The following CLCN4 variants were observed in gnomAD, a reference collection of about 807,000 sequenced individuals.
CLCN4 encodes the protein H(+)/Cl(-) exchange transporter 4.
CLCN4 carries 1 observed loss-of-function variant against 41.7 expected under a neutral mutation model. That is an observed-to-expected ratio of 0.02 (90% CI 0.01 to 0.11). CLCN4 has a LOEUF of 0.11. Among genes scored for constraint, CLCN4 ranks in the 10% least tolerant of loss-of-function variants. The pLI is 1.00. For missense variants in CLCN4, 287 were observed against 661.0 expected (o/e 0.43, Z 6.20); for synonymous variants, 277 against 285.8 (o/e 0.97, Z 0.31).
intron 12 of CLCN4, 124 bp from the exon 13 acceptor site, chrX:10,233,370 A>T: frequency 2.0e-6 from 1 of 512,193 alleles, no homozygotes; most frequent in Non-Finnish European, 3.4e-6. Flanking sequence ...CTGCCTAACC[A>T]CAAGGGAGGC....
intron 12 of CLCN4, among the ~76,000 whole-genome samples, chrX:10,232,227 A>G: frequency 8.9e-6 from 1 of 112,035 alleles, no homozygotes; most frequent in Admixed American, 9.5e-5. Flanking sequence ...CAGAGCCAAA[A>G]AAGTCAGAAT....
At chrX:10,206,643 C>A in intron 7 of CLCN4, 53 bp from the exon 8 acceptor site, 1 of 1,189,062 alleles carries the variant, frequency 8.4e-7, no homozygotes, top group Non-Finnish European at 1.1e-6. Context: ...CAGGTTTGCA[C>A]GTTTGTTTTC....
chrX:10,175,150 G>T (rs937695583), intron 2 of CLCN4, among the ~76,000 whole-genome samples: 8 of 111,569 alleles, frequency 7.2e-5, no homozygotes, highest in Non-Finnish European at 1.5e-4. Flanking sequence ...GGCATTACTT[G>T]GGCAGAGCTG....
At chrX:10,216,918 T>TATATATATATATATATATATATACAC (rs773265490) in intron 11 of CLCN4, among the ~76,000 whole-genome samples, 3 of 38,931 alleles carry the variant, frequency 7.7e-5, no homozygotes, top group Admixed American at 7.3e-4. Flanking sequence ...TATATATATA[T>TATATATATATATATATATATATACAC]ACACACACAC....
intron 4 of CLCN4, among the ~76,000 whole-genome samples, chrX:10,192,112 T>C (rs937994520): frequency 3.6e-5 from 4 of 111,218 alleles, no homozygotes; most frequent in Admixed American, 9.6e-5. Flanking sequence ...GATATAACAA[T>C]GGACAAGACA....
rs1924588308 is a variant in CLCN4, at chrX:10,212,592, A to G, written c.1515A>G (p.Arg505=). The stretch of plus-strand genomic sequence containing the variant: ...GGATCATCTTCAGGAACTGGTGCAG[A>G]CCCGGTGCAGACTGTGTCACGCCAG... The part of the protein sequence containing the change: ...HDWIIFRNWC[R]PGADCVTPGL... Residue 505 remains arginine, a synonymous_variant, in exon 10 of 13, where the codon AGA becomes AGG. Transcript: ENST00000380833. The G allele has an allele frequency of 8.3e-7, 1 of 1,210,796 alleles. No individual in the cohort carries two copies. The highest frequency in any genetic ancestry group is 1.1e-6 in the Non-Finnish European group (1 of 895,208).
chrX:10,166,310 G>A (rs188200772), intron 2 of CLCN4, among the ~76,000 whole-genome samples: 2 of 112,381 alleles, frequency 1.8e-5, no homozygotes, highest in East Asian at 5.6e-4. Context: ...TCTGGCCTCC[G>A]GAACTGGGAG....
At chrX:10,224,293 CGTGT>C (rs772983564) in intron 12 of CLCN4, among the ~76,000 whole-genome samples, 1,951 of 87,851 alleles carry the variant, frequency 0.022, 50 homozygotes, top group African/African-American at 0.066. Flanking sequence ...GGGAGGGTTC[CGTGT>C]GTGTGTGTGT....
chrX:10,180,398 G>T (rs898561359), intron 2 of CLCN4, among the ~76,000 whole-genome samples: 1 of 111,327 alleles, frequency 9.0e-6, no homozygotes, highest in Non-Finnish European at 1.9e-5. Context: ...GCTGAGCCAC[G>T]CAAGGTGATA....
At chrX:10,211,921 C>G (rs1440584656) in intron 9 of CLCN4, among the ~76,000 whole-genome samples, 1 of 111,834 alleles carries the variant, frequency 8.9e-6, no homozygotes, top group Admixed American at 9.5e-5. Flanking sequence ...CCTCCCTCGT[C>G]TCTCTCTGAC....
At chrX:10,193,324 A>G (rs1263534911) in intron 4 of CLCN4, among the ~76,000 whole-genome samples, 2 of 112,566 alleles carry the variant, frequency 1.8e-5, no homozygotes, top group Non-Finnish European at 3.7e-5. Context: ...ATGTGCTTGG[A>G]AAAGCATAGC....
intron 4 of CLCN4, among the ~76,000 whole-genome samples, chrX:10,190,530 AAAT>A (rs1201735554): frequency 2.7e-5 from 3 of 111,492 alleles, no homozygotes; most frequent in Non-Finnish European, 5.6e-5. Flanking sequence ...ATGAAATACT[AAAT>A]ATTATGGTTC....
intron 11 of CLCN4, among the ~76,000 whole-genome samples, chrX:10,214,282 T>C (rs754417776): frequency 8.9e-6 from 1 of 112,557 alleles, no homozygotes; most frequent in South Asian, 3.6e-4. Context: ...ACTACATCCC[T>C]CACAAGTTCC....
At chrX:10,158,160 T>G (rs1254302011) in intron 1 of CLCN4, 129 bp from the exon 2 acceptor site, 2 of 245,150 alleles carry the variant, frequency 8.2e-6, no homozygotes, top group Admixed American at 1.4e-4. Context: ...AAATAAAACA[T>G]GAAATTGTAT....
intron 4 of CLCN4, among the ~76,000 whole-genome samples, chrX:10,191,901 C>G (rs990518101): frequency 1.8e-5 from 2 of 109,728 alleles, no homozygotes; most frequent in African/African-American, 6.7e-5. Flanking sequence ...TACAGTTACA[C>G]AAAGGCAGGG....
intron 2 of CLCN4, among the ~76,000 whole-genome samples, chrX:10,169,163 C>T (rs1166057009): frequency 9.0e-6 from 1 of 111,566 alleles, no homozygotes; most frequent in African/African-American, 3.3e-5. Flanking sequence ...TTTGTGTAAA[C>T]AAGATTTCCT....
intron 6 of CLCN4, among the ~76,000 whole-genome samples, chrX:10,203,122 G>T (rs1428483496): frequency 8.9e-6 from 1 of 112,010 alleles, no homozygotes; most frequent in African/African-American, 3.3e-5. Context: ...GTCATGGCTG[G>T]CAAAGGCTCA....
chrX:10,208,578 C>T lies in CLCN4; in HGVS notation c.1377C>T (p.Thr459=). The change falls in exon 9 of 13, where the codon ACC becomes ACT. Residue 459 remains threonine, a synonymous_variant. Coordinates refer to ENST00000380833, the MANE Select transcript of CLCN4 (RefSeq NM_001830.4). ...LIFKIVVTIF[T]FGMKIPSGLF... is the part of the protein sequence containing the mutation. The stretch of plus-strand genomic sequence containing the variant: ...TCAAAATCGTCGTTACCATATTTAC[C>T]TTTGGCATGAAGGTAAGTGAAAGGG... 2.5e-6 allele frequency: 3 copies of T among 1,203,810 alleles called. No individual in the cohort carries two copies. Among genetic ancestry groups the T allele is most frequent in the Non-Finnish European group, 3.4e-6 (3 of 891,816 alleles).
At chrX:10,194,094 G>A (rs1163754657) in intron 4 of CLCN4, among the ~76,000 whole-genome samples, 2 of 110,337 alleles carry the variant, frequency 1.8e-5, no homozygotes, top group African/African-American at 6.6e-5. Context: ...GGCGGTGTCC[G>A]ATGCAACACC....
Sources: gnomAD v4.1 joint callset for allele counts (sites outside exome capture counted in the v4.1 genomes callset) on GRCh38, gnomAD v4.1.1 for gene constraint, MANE v1.5 for transcripts, NCBI Gene and HGNC (gene_info 2026-07-23, HGNC 2026-07-21) for gene names.